PRKD1: variants seen among roughly 807,000 people sequenced by gnomAD.
The protein encoded by PRKD1 is protein kinase D1, also known as serine/threonine-protein kinase D1.
Under a neutral mutation model 95.9 loss-of-function variants are expected in PRKD1, and 63 were observed. The ratio of observed to expected loss-of-function variants is 0.66; its 90% CI spans 0.54 to 0.81. The LOEUF (loss-of-function observed/expected upper bound fraction) is 0.81. Among genes scored for constraint, PRKD1 ranks in the 30% least tolerant of loss-of-function variants. The probability of loss-of-function intolerance (pLI) is 0.00; values close to 1 mark genes in which losing one functional copy is unlikely to be tolerated. For synonymous variants in PRKD1, 425 were observed against 423.1 expected, an observed-to-expected ratio of 1.00 and a Z score of -0.05; for missense variants, 1,048 against 1,165.3, an observed-to-expected ratio of 0.90 and a Z score of 1.47.
At chr14:29,815,273 A>C (rs182894714) in intron 1 of PRKD1, among the ~76,000 whole-genome samples, 10 of 152,264 alleles carry the variant, frequency 6.6e-5, no homozygotes, top group Non-Finnish European at 1.3e-4. Context: ...TAAGATAATT[A>C]GTTATTTCTT....
intron 1 of PRKD1, among the ~76,000 whole-genome samples, chr14:29,890,903 G>A (rs1019920511): frequency 2.0e-5 from 3 of 152,124 alleles, no homozygotes; most frequent in Admixed American, 1.3e-4. Context: ...GAAAGTTAAT[G>A]TTCCATATGA....
intron 1 of PRKD1, among the ~76,000 whole-genome samples, chr14:29,803,236 A>G (rs573343192): frequency 1.2e-4 from 18 of 152,228 alleles, no homozygotes; most frequent in Non-Finnish European, 2.6e-4. Context: ...TAAGGTCCAA[A>G]TATTGTGAAA....
intron 1 of PRKD1, among the ~76,000 whole-genome samples, chr14:29,878,574 T>C (rs961972877): frequency 2.0e-4 from 31 of 152,042 alleles, no homozygotes; most frequent in African/African-American, 6.5e-4. Flanking sequence ...TATTCAACCA[T>C]AAAAAGGAAT....
chr14:29,595,890 AT>A (rs1296044474), intron 16 of PRKD1, among the ~76,000 whole-genome samples: 2 of 152,236 alleles, frequency 1.3e-5, no homozygotes, highest in Non-Finnish European at 2.9e-5. Context: ...GGTTAGCTGT[AT>A]TTAGATGTAA....
chr14:29,746,966 G>T (rs1887253352), intron 1 of PRKD1, among the ~76,000 whole-genome samples: 1 of 151,746 alleles, frequency 6.6e-6, no homozygotes, highest in South Asian at 2.1e-4. Flanking sequence ...TACTTCTCTG[G>T]AATAATTTCC....
At chr14:29,890,262 A>T (rs1472869911) in intron 1 of PRKD1, among the ~76,000 whole-genome samples, 1 of 152,146 alleles carries the variant, frequency 6.6e-6, no homozygotes, top group Non-Finnish European at 1.5e-5. Context: ...ACTTTTACTA[A>T]TTCTCCCAAC....
chr14:29,839,232 T>C (rs74604900), intron 1 of PRKD1, among the ~76,000 whole-genome samples: 3,601 of 152,342 alleles, frequency 0.024, 138 homozygotes, highest in African/African-American at 0.082. Context: ...TTCCAGTTGA[T>C]GGATGCCAAA....
intron 1 of PRKD1, among the ~76,000 whole-genome samples, chr14:29,891,135 C>T (rs1476306120): frequency 1.3e-5 from 2 of 152,088 alleles, no homozygotes; most frequent in South Asian, 4.1e-4. Flanking sequence ...TAGCCAGATG[C>T]CCAAAGGACA....
chr14:29,793,089 A>G (rs1889620026), intron 1 of PRKD1, among the ~76,000 whole-genome samples: 1 of 152,106 alleles, frequency 6.6e-6, no homozygotes, highest in Non-Finnish European at 1.5e-5. Flanking sequence ...AAATTGGAGA[A>G]AGTTCTTGTG....
intron 1 of PRKD1, among the ~76,000 whole-genome samples, chr14:29,858,359 T>A (rs1422282195): frequency 1.3e-5 from 2 of 152,214 alleles, no homozygotes; most frequent in Non-Finnish European, 2.9e-5. Flanking sequence ...AAATTGTACA[T>A]GCTCAGTAAA....
At position 29,590,310 on chromosome 14, in the gene PRKD1, T is replaced by C. The variant is rs112657625; in HGVS notation, c.2434+7181A>G. Among the ~76,000 whole-genome samples, 848 of 152,348 alleles carry C rather than the reference T, an allele frequency of 5.6e-3. 9 individuals are homozygous for C. Among genetic ancestry groups the C allele is most frequent in the African/African-American group, 0.02 (813 of 41,578 alleles). On this transcript the variant is annotated intron_variant, in intron 16 of 17. Transcript: ENST00000331968. ...CAATTAATCTGGATATGTTAAATTA[T>C]AGCACTGGCCACCTTTGTAATTTAG...
intron 1 of PRKD1, among the ~76,000 whole-genome samples, chr14:29,911,288 G>T (rs1194637789): frequency 6.6e-6 from 1 of 152,074 alleles, no homozygotes; most frequent in African/African-American, 2.4e-5. Flanking sequence ...GTTTGTAAAG[G>T]ATACCATAAT....
chr14:29,724,699 G>A (rs1206253251), intron 2 of PRKD1, among the ~76,000 whole-genome samples: 1 of 152,162 alleles, frequency 6.6e-6, no homozygotes, highest in African/African-American at 2.4e-5. Context: ...ACTCTGTAAT[G>A]CTGCTGGACT....
chr14:29,685,688 C>T (rs1378400690), intron 2 of PRKD1, among the ~76,000 whole-genome samples: 1 of 151,780 alleles, frequency 6.6e-6, no homozygotes, highest in Non-Finnish European at 1.5e-5. Context: ...GAAAGATGAG[C>T]AATTATAACT....
intron 1 of PRKD1, among the ~76,000 whole-genome samples, chr14:29,763,660 T>C (rs1314234832): frequency 6.6e-6 from 1 of 152,062 alleles, no homozygotes; most frequent in Non-Finnish European, 1.5e-5. Context: ...TGCCCCAGGG[T>C]CTTCCACAGA....
intron 1 of PRKD1, among the ~76,000 whole-genome samples, chr14:29,833,160 C>G (rs1891479863): frequency 6.6e-6 from 1 of 152,030 alleles, no homozygotes; most frequent in South Asian, 2.1e-4. Context: ...AAAAAACAAT[C>G]TAACTTTTGA....
chr14:29,850,424 A>C (rs1286722204), intron 1 of PRKD1, among the ~76,000 whole-genome samples: 1 of 151,226 alleles, frequency 6.6e-6, no homozygotes, highest in Non-Finnish European at 1.5e-5. Context: ...TCAAGCTGAG[A>C]GCCAAATCAA....
chr14:29,603,783 C>T (rs1181294511), intron 13 of PRKD1, among the ~76,000 whole-genome samples: 1 of 152,158 alleles, frequency 6.6e-6, no homozygotes, highest in African/African-American at 2.4e-5. Flanking sequence ...ACTTCTCAGG[C>T]TTTCCACAGA....
intron 1 of PRKD1, among the ~76,000 whole-genome samples, chr14:29,776,299 G>A (rs1888749639): frequency 6.6e-6 from 1 of 152,216 alleles, no homozygotes; most frequent in Non-Finnish European, 1.5e-5. Context: ...GACGGAGAAT[G>A]ACTTTGATGA....
Sources: allele counts gnomAD v4.1 joint callset (sites outside exome capture counted in the v4.1 genomes callset), GRCh38; gene constraint gnomAD v4.1.1; transcripts MANE v1.5; gene names NCBI Gene and HGNC (gene_info 2026-07-23, HGNC 2026-07-21).